Variants in TSHZ3 observed in about 807,000 individuals in gnomAD.
TSHZ3 encodes the protein teashirt zinc finger homeobox 3.
In TSHZ3, 10 loss-of-function variants were observed where a neutral mutation model predicts 64.5. That is an observed-to-expected ratio of 0.16 (90% CI 0.10 to 0.26). TSHZ3 has a LOEUF of 0.26. Ranked by LOEUF, TSHZ3 falls within the 10% of genes least tolerant of loss-of-function variation. The pLI, the probability that TSHZ3 is intolerant of heterozygous loss-of-function variation, is 1.00. For missense variants in TSHZ3, 1,242 were observed against 1,421.7 expected (o/e 0.87, Z 2.03); for synonymous variants, 608 against 593.1 (o/e 1.03, Z -0.36).
chr19:31,281,071 T>C (rs1976353037), intron 1 of TSHZ3, among the ~76,000 whole-genome samples: 1 of 152,104 alleles, frequency 6.6e-6, no homozygotes, highest in African/African-American at 2.4e-5. Context: ...AAAAGGCCAG[T>C]GGGGAAGTGT....
chr19:31,244,449 C>T (rs760142713), intron 1 of TSHZ3, among the ~76,000 whole-genome samples: 3 of 152,138 alleles, frequency 2.0e-5, no homozygotes, highest in Non-Finnish European at 4.4e-5. Flanking sequence ...TGTCATTAAA[C>T]AAGAAGCTAC....
intron 5 of TSHZ3, among the ~76,000 whole-genome samples, chr19:31,193,568 A>G (rs1974943948): frequency 1.3e-5 from 2 of 152,134 alleles, no homozygotes; most frequent in African/African-American, 4.8e-5. Context: ...TGTTATACTT[A>G]CTAGTTGTGT....
At chr19:31,296,417 C>T (rs571879752) in intron 1 of TSHZ3, among the ~76,000 whole-genome samples, 64 of 146,558 alleles carry the variant, frequency 4.4e-4, no homozygotes, top group Non-Finnish European at 8.0e-4. Context: ...TCACTGCAAC[C>T]TCTGCCTCCC....
chr19:31,271,159 CTAT>C (rs1312326854), downstream of TSHZ3, among the ~76,000 whole-genome samples: 1 of 152,142 alleles, frequency 6.6e-6, no homozygotes, highest in Non-Finnish European at 1.5e-5. Flanking sequence ...TTTGGCTAAT[CTAT>C]TGTCTTGGCA....
chr19:31,259,704 C>A (rs58835813), intron 1 of TSHZ3, among the ~76,000 whole-genome samples: 2,399 of 152,184 alleles, frequency 0.016, 59 homozygotes, highest in African/African-American at 0.055. Context: ...CTCATTCTTC[C>A]AACTCAAGAT....
chr19:31,163,629 G>C (rs1192441475), intron 5 of TSHZ3, among the ~76,000 whole-genome samples: 2 of 152,188 alleles, frequency 1.3e-5, no homozygotes, highest in East Asian at 3.9e-4. Flanking sequence ...CACTTGGGAG[G>C]CTGAGGCATG....
At chr19:31,343,597 A>T (rs1008875921) in intron 1 of TSHZ3, among the ~76,000 whole-genome samples, 6 of 152,202 alleles carry the variant, frequency 3.9e-5, no homozygotes, top group African/African-American at 1.4e-4. Context: ...GCAAGTGGTC[A>T]TAAGAAGATT....
intron 1 of TSHZ3, among the ~76,000 whole-genome samples, chr19:31,346,532 T>C (rs756355961): frequency 1.3e-5 from 2 of 152,214 alleles, no homozygotes; most frequent in Non-Finnish European, 2.9e-5. Context: ...TCTTTTTTTA[T>C]GGCTGAGCGG....
chr19:31,301,563 G>A (rs780130548), intron 1 of TSHZ3, among the ~76,000 whole-genome samples: 8 of 152,128 alleles, frequency 5.3e-5, no homozygotes, highest in East Asian at 3.9e-4. Context: ...ACATGCCTGC[G>A]GGAAGGCACT....
At chr19:31,189,153 C>G (rs1186748126) in intron 5 of TSHZ3, among the ~76,000 whole-genome samples, 1 of 151,650 alleles carries the variant, frequency 6.6e-6, no homozygotes, top group African/African-American at 2.4e-5. Context: ...TTGTGTTTCC[C>G]CTCTTCTGTT....
chr19:31,349,277 G>T lies in TSHZ3; in HGVS notation c.-58C>A. On this transcript the variant is annotated 5_prime_UTR_variant, in exon 1 of 2. It adds an upstream start codon to the 5' untranslated region. Transcript: ENST00000240587. ...CGCCGCCGCTGCCGGGCTGAGGACA[G>T]GGAGGGAGGGGGCGGCGGGCCCGCG... is the stretch of plus-strand genomic sequence containing the variant. The T allele has an allele frequency of 7.5e-7, 1 of 1,340,970 alleles. No individual in the cohort carries two copies. The highest frequency in any genetic ancestry group is 9.5e-7 in the Non-Finnish European group (1 of 1,054,916). 83.1% of individuals were successfully genotyped at this position (1,340,970 alleles called of 1,614,324 possible).
chr19:31,225,839 T>A (rs1599592825), intron 4 of TSHZ3, among the ~76,000 whole-genome samples: 1 of 152,122 alleles, frequency 6.6e-6, no homozygotes, highest in Non-Finnish European at 1.5e-5. Context: ...TTAAAAGCGG[T>A]GTGTCAGCTG....
chr19:31,210,075 G>A (rs1385054304), intron 4 of TSHZ3, among the ~76,000 whole-genome samples: 1 of 152,046 alleles, frequency 6.6e-6, no homozygotes, highest in Non-Finnish European at 1.5e-5. Flanking sequence ...GGAGGGTGAA[G>A]GAAAGGAGAC....
intron 5 of TSHZ3, among the ~76,000 whole-genome samples, chr19:31,202,452 T>G (rs569116451): frequency 6.6e-6 from 1 of 152,326 alleles, no homozygotes; most frequent in East Asian, 1.9e-4. Context: ...TTGTAATTTT[T>G]TCAATTCATA....
At chr19:31,206,304 G>T (rs543164285) in intron 4 of TSHZ3, among the ~76,000 whole-genome samples, 5 of 151,950 alleles carry the variant, frequency 3.3e-5, no homozygotes, top group East Asian at 1.9e-4. Context: ...TGAATAGATG[G>T]GTGGGTGGAT....
chr19:31,182,767 A>G (rs1318315502), intron 5 of TSHZ3, among the ~76,000 whole-genome samples: 1 of 152,184 alleles, frequency 6.6e-6, no homozygotes, highest in Non-Finnish European at 1.5e-5. Flanking sequence ...AAAAATACAT[A>G]TGTAAGACTC....
chr19:31,176,035 A>T (rs1974602109), intron 5 of TSHZ3, among the ~76,000 whole-genome samples: 1 of 152,206 alleles, frequency 6.6e-6, no homozygotes, highest in African/African-American at 2.4e-5. Flanking sequence ...CTTGGGTCTG[A>T]GGGGAAAGTT....
chr19:31,215,118 T>C (rs1017747335), intron 4 of TSHZ3, among the ~76,000 whole-genome samples: 3 of 152,130 alleles, frequency 2.0e-5, no homozygotes, highest in African/African-American at 7.2e-5. Flanking sequence ...TCCCAGACAT[T>C]AGTCATTTAG....
chr19:31,315,126 C>T (rs561303027), intron 1 of TSHZ3, among the ~76,000 whole-genome samples: 3 of 152,304 alleles, frequency 2.0e-5, no homozygotes, highest in South Asian at 4.1e-4. Context: ...TCTCCCCGAG[C>T]GGCCAGCAGA....
Sources: gnomAD v4.1 joint callset for allele counts (sites outside exome capture counted in the v4.1 genomes callset) on GRCh38, gnomAD v4.1.1 for gene constraint, MANE v1.5 for transcripts, NCBI Gene and HGNC (gene_info 2026-07-23, HGNC 2026-07-21) for gene names.